PDAP1: variants seen among roughly 807,000 people sequenced by gnomAD.
The protein encoded by PDAP1 is PDGFA associated protein 1, also known as 28 kDa heat- and acid-stable phosphoprotein.
PDAP1 carries 13 observed loss-of-function variants against 28.0 expected under a neutral mutation model. That is an observed-to-expected ratio of 0.46 (90% confidence interval 0.30 to 0.74). The LOEUF is 0.74. PDAP1 is among the 30% of genes least tolerant of loss of function. PDAP1 has a pLI of 0.07. For synonymous variants in PDAP1, 77 were observed against 85.1 expected (o/e 0.91, Z 0.52); for missense variants, 150 against 230.0 (o/e 0.65, Z 2.25).
In PDAP1 at chr7:99,403,436, C is replaced by A; in HGVS notation, c.175G>T (p.Asp59Tyr). The change falls in exon 3 of 6, where the codon GAC becomes TAC. Residue 59 changes from aspartate (D) to tyrosine (Y), a missense_variant. By Grantham distance (160) the Asp-to-Tyr change is radical. Transcript: ENST00000350498. Reference sequence around the variant, plus strand: ...TCTTCATCCTCACTCTCATCTGAGTCTAGAGATTTCTTCTCCTTTTTGGGG... The same window carrying A: ...TCTTCATCCTCACTCTCATCTGAGTATAGAGATTTCTTCTCCTTTTTGGGG... ...GDPKKEKKSL[D>Y]SDESEDEEDD... The A allele has an allele frequency of 6.2e-7, 1 of 1,610,326 alleles. No individual in the cohort carries two copies. Among genetic ancestry groups the A allele is most frequent in the Non-Finnish European group, 8.5e-7 (1 of 1,176,544 alleles).
At chr7:99,398,472 A>G (rs747286140) in intron 4 of PDAP1, among the ~76,000 whole-genome samples, 77 of 152,368 alleles carry the variant, frequency 5.1e-4, no homozygotes, top group Non-Finnish European at 7.9e-4. Flanking sequence ...CAAGAGGATC[A>G]CTTGAGGCTG....
At chr7:99,402,230 A>G (rs1323678722) in intron 3 of PDAP1, among the ~76,000 whole-genome samples, 2 of 143,868 alleles carry the variant, frequency 1.4e-5, no homozygotes, top group Admixed American at 6.9e-5. Context: ...CCATCTCCCA[A>G]AAAAAAAAAA....
intron 2 of PDAP1, among the ~76,000 whole-genome samples, chr7:99,404,053 C>G (rs1415371120): frequency 6.6e-6 from 1 of 152,186 alleles, no homozygotes; most frequent in African/African-American, 2.4e-5. Context: ...TGCCTTCCCA[C>G]CAAAAATGTC....
At chr7:99,398,278 G>T (rs1794803004) in intron 4 of PDAP1, among the ~76,000 whole-genome samples, 1 of 152,232 alleles carries the variant, frequency 6.6e-6, no homozygotes, top group African/African-American at 2.4e-5. Context: ...CAGCAGGGAG[G>T]GGAAGATGCC....
At chr7:99,401,572 G>A (rs971888367) in intron 3 of PDAP1, among the ~76,000 whole-genome samples, 8 of 152,066 alleles carry the variant, frequency 5.3e-5, no homozygotes, top group African/African-American at 9.7e-5. Flanking sequence ...TGATCCGCCC[G>A]CCTTGGCCTC....
At position 99,408,581 on chromosome 7, in the gene PDAP1, C is replaced by T. The variant is rs1288367158; in HGVS notation, c.-33G>A. On this transcript the variant is annotated 5_prime_UTR_variant, in exon 1 of 6. Coordinates refer to ENST00000350498, the MANE Select transcript of PDAP1 (RefSeq NM_014891.7). ...CCGGCGGCTGCGGCGGCGGCGGCGG[C>T]GCCTCGAACTGACACCGGAACCGGA... is the stretch of plus-strand genomic sequence containing the variant. The T allele has an allele frequency of 1.6e-5, 20 of 1,252,708 alleles. No individual in the cohort carries two copies. The East Asian group carries it at 6.2e-4, about 39-fold the overall frequency. The allele number at this position is 1,252,708 out of a possible 1,614,324, so 77.6% of individuals were successfully genotyped here. A position where few individuals can be genotyped will look rare whatever the true frequency, so the allele number is the denominator to read the frequency against.
chr7:99,399,408 C>G (rs1385203267), intron 4 of PDAP1, among the ~76,000 whole-genome samples: 1 of 152,060 alleles, frequency 6.6e-6, no homozygotes, highest in Non-Finnish European at 1.5e-5. Flanking sequence ...TCTGCAACCC[C>G]AAAGGACAGA....
At chr7:99,400,151 C>G (rs1176143518) in intron 4 of PDAP1, 152 bp downstream of exon 4, 4 of 768,960 alleles carry the variant, frequency 5.2e-6, no homozygotes, top group Admixed American at 5.7e-5. Flanking sequence ...AAAACAAATT[C>G]TGTGTGGCTT....
chr7:99,408,072 G>A (rs6960810), intron 1 of PDAP1, among the ~76,000 whole-genome samples: 31,741 of 151,958 alleles, frequency 0.21, 6,913 homozygotes, highest in African/African-American at 0.56. Flanking sequence ...CTACCGAACG[G>A]GGGAGTCGAA....
chr7:99,399,316 C>G (rs984958601), intron 4 of PDAP1, among the ~76,000 whole-genome samples: 7 of 152,190 alleles, frequency 4.6e-5, no homozygotes, highest in African/African-American at 1.7e-4. Flanking sequence ...AGCCTCTAAG[C>G]TGAGCCTCAG....
At chr7:99,402,180 G>A (rs1395303323) in intron 3 of PDAP1, among the ~76,000 whole-genome samples, 1 of 136,376 alleles carries the variant, frequency 7.3e-6, no homozygotes, top group East Asian at 2.2e-4. Context: ...AGTGAGCCGA[G>A]ATCGCACCAC....
chr7:99,403,630 T>C (rs1794920266), intron 2 of PDAP1, 125 bp from the exon 3 acceptor site: 2 of 747,572 alleles, frequency 2.7e-6, no homozygotes. Flanking sequence ...GAACCAAGGA[T>C]GACAAGGGTC....
chr7:99,408,554 C>T lies in PDAP1; in HGVS notation c.-6G>A. The T allele has an allele frequency of 5.5e-6, 7 of 1,277,340 alleles. No individual in the cohort carries two copies. Among genetic ancestry groups the T allele is most frequent in the Non-Finnish European group, 6.9e-6 (7 of 1,009,598 alleles). 79.1% of individuals were successfully genotyped at this position (1,277,340 alleles called of 1,614,324 possible). On this transcript the variant is annotated 5_prime_UTR_variant, in exon 1 of 6. Coordinates refer to ENST00000350498, the MANE Select transcript of PDAP1 (RefSeq NM_014891.7). ...CCCTCACCTCCTTTAGGCATTGCGGCTCCGGCGGCTGCGGCGGCGGCGGCG... is the reference window on the plus strand; with the variant it reads ...CCCTCACCTCCTTTAGGCATTGCGGTTCCGGCGGCTGCGGCGGCGGCGGCG...
intron 4 of PDAP1, among the ~76,000 whole-genome samples, chr7:99,398,308 C>T (rs1172041500): frequency 6.6e-6 from 1 of 152,210 alleles, no homozygotes; most frequent in African/African-American, 2.4e-5. Context: ...CATGATCAGG[C>T]TCTGGCGGCC....
intron 1 of PDAP1, among the ~76,000 whole-genome samples, chr7:99,407,496 AT>A (rs1795001359): frequency 6.6e-6 from 1 of 152,188 alleles, no homozygotes; most frequent in South Asian, 2.1e-4. Flanking sequence ...TCAGGAAGCG[AT>A]TTAGGTTTGA....
intron 2 of PDAP1, 148 bp downstream of exon 2, chr7:99,404,714 G>C (rs1476300629): frequency 3.3e-6 from 2 of 598,142 alleles, no homozygotes; most frequent in Non-Finnish European, 3.0e-6. Context: ...GTTGTTCTGA[G>C]ACTCACACCT....
chr7:99,401,238 C>T (rs1454868641), intron 3 of PDAP1, among the ~76,000 whole-genome samples: 1 of 152,216 alleles, frequency 6.6e-6, no homozygotes, highest in Non-Finnish European at 1.5e-5. Flanking sequence ...CTAAGCATAT[C>T]CTTGATTCGT....
chr7:99,404,516 G>T (rs1350446728), intron 2 of PDAP1, among the ~76,000 whole-genome samples: 1 of 152,138 alleles, frequency 6.6e-6, no homozygotes, highest in Non-Finnish European at 1.5e-5. Context: ...ATCCTGTGTG[G>T]CTGCAGCAGA....
At chr7:99,408,458 G>T in intron 1 of PDAP1, 78 bp downstream of exon 1, 2 of 1,271,928 alleles carry the variant, frequency 1.6e-6, no homozygotes, top group Non-Finnish European at 1.0e-6. Flanking sequence ...TCAGAGACGC[G>T]CACGGGCTGA....
Sources: gnomAD v4.1 joint callset for allele counts (sites outside exome capture counted in the v4.1 genomes callset) on GRCh38, gnomAD v4.1.1 for gene constraint, MANE v1.5 for transcripts, NCBI Gene and HGNC (gene_info 2026-07-23, HGNC 2026-07-21) for gene names.